Variants in KPNA7 observed in about 807,000 individuals in gnomAD.
KPNA7 encodes karyopherin subunit alpha 7.
KPNA7 carries 54 observed loss-of-function variants against 53.7 expected under a neutral mutation model. That is an observed-to-expected ratio of 1.01 (90% CI 0.81 to 1.26). The LOEUF (loss-of-function observed/expected upper bound fraction) is 1.26, where lower values mean the gene tolerates loss of function less well. KPNA7 is among the 50% of genes most tolerant of loss of function. KPNA7 has a pLI of 0.00. For synonymous variants in KPNA7, 276 were observed against 259.3 expected (o/e 1.06, Z -0.62); for missense variants, 640 against 644.5 (o/e 0.99, Z 0.07).
At chr7:99,146,739 A>C in the KPNA7 span, among the ~76,000 whole-genome samples, 36 of 123,722 alleles carry the variant, frequency 2.9e-4, no homozygotes, top group African/African-American at 1.1e-3. Flanking sequence ...AAAAAAAAAA[A>C]AAAAAAAAAC....
At chr7:99,213,219 C>T (rs1012355981) in intron 1 of KPNA7, among the ~76,000 whole-genome samples, 5 of 151,266 alleles carry the variant, frequency 3.3e-5, no homozygotes, top group East Asian at 1.9e-4. Flanking sequence ...CTCCGCCTCC[C>T]GGGTTCAAGT....
intron 6 of KPNA7, among the ~76,000 whole-genome samples, chr7:99,190,491 G>T (rs1789888388): frequency 6.6e-6 from 1 of 151,672 alleles, no homozygotes. Context: ...GAGCCCACAG[G>T]ACTGGGTCTC....
At position 99,178,054 on chromosome 7, in the gene KPNA7, G is replaced by C. The variant is rs201961379; in HGVS notation, c.1330C>G (p.Arg444Gly). 1 of 1,551,314 alleles carries C rather than the reference G, an allele frequency of 6.4e-7. No homozygotes were observed. The highest frequency in any genetic ancestry group is 1.2e-5 in the South Asian group (1 of 83,970). The change falls in exon 10 of 11, where the codon CGG (arginine) becomes GGG (glycine). Residue 444 changes from arginine (R) to glycine (G), a missense_variant. Transcript: ENST00000327442. Reference protein sequence around the residue: ...ISCILQAAEKRSEKENLCLLI... With the variant: ...ISCILQAAEKGSEKENLCLLI... ...AGACACAGGTTTTCCTTCTCAGACCGTTTCTCTGCCGCCTGTGACCAAGTA... is the reference window on the plus strand; with the variant it reads ...AGACACAGGTTTTCCTTCTCAGACCCTTTCTCTGCCGCCTGTGACCAAGTA...
At chr7:99,209,722 G>C (rs1351450191), upstream of KPNA7, among the ~76,000 whole-genome samples, 3 of 132,138 alleles carry the variant, frequency 2.3e-5, no homozygotes, top group Admixed American at 8.1e-5. Flanking sequence ...AAAAAAATCT[G>C]ATTAGTCAGG....
upstream of KPNA7, among the ~76,000 whole-genome samples, chr7:99,212,212 G>A (rs13242894): frequency 0.061 from 9,062 of 148,292 alleles, 308 homozygotes; most frequent in South Asian, 0.16. Flanking sequence ...AGGAAACACT[G>A]GTGTCCGATC....
the KPNA7 span, among the ~76,000 whole-genome samples, chr7:99,147,119 T>C: frequency 1.3e-5 from 2 of 152,182 alleles, no homozygotes; most frequent in Admixed American, 1.3e-4. Flanking sequence ...CCACCTGCTA[T>C]GTGGCTAGGA....
intron 3 of KPNA7, among the ~76,000 whole-genome samples, chr7:99,201,120 G>T (rs976882808): frequency 5.9e-5 from 9 of 152,176 alleles, no homozygotes; most frequent in Non-Finnish European, 1.3e-4. Context: ...TTATATGATT[G>T]CATTTCTAGG....
chr7:99,193,262 A>G (rs34088480), intron 5 of KPNA7, among the ~76,000 whole-genome samples, 161 bp from the exon 6 acceptor site: 12,955 of 152,278 alleles, frequency 0.085, 576 homozygotes, highest in South Asian at 0.15. Flanking sequence ...GAAGTCTGGC[A>G]TGGCTGGTGG....
At chr7:99,196,303 G>A in intron 3 of KPNA7, 137 bp from the exon 4 acceptor site, 2 of 634,884 alleles carry the variant, frequency 3.2e-6, no homozygotes, top group East Asian at 5.6e-5. Flanking sequence ...TTCTATATTT[G>A]GGGAGGGGAG....
chr7:99,166,856 T>C, the KPNA7 span, among the ~76,000 whole-genome samples: 2 of 151,184 alleles, frequency 1.3e-5, no homozygotes, highest in African/African-American at 2.4e-5. Context: ...CCTGACCTCG[T>C]GATCCACCAC....
downstream of KPNA7, among the ~76,000 whole-genome samples, chr7:99,169,286 G>C (rs922941105): frequency 6.6e-6 from 1 of 152,196 alleles, no homozygotes; most frequent in Non-Finnish European, 1.5e-5. Context: ...CAGCATCTGA[G>C]GGAGCAAAAC....
the KPNA7 span, among the ~76,000 whole-genome samples, chr7:99,154,458 A>C: frequency 6.6e-6 from 1 of 151,738 alleles, no homozygotes; most frequent in East Asian, 1.9e-4. Context: ...GGTAACTCCC[A>C]GGTCATTTAT....
chr7:99,195,826 G>A (rs1390931267), intron 4 of KPNA7, among the ~76,000 whole-genome samples: 1 of 152,196 alleles, frequency 6.6e-6, no homozygotes, highest in African/African-American at 2.4e-5. Context: ...CCTTTAAGGT[G>A]TTATCTACAA....
intron 9 of KPNA7, among the ~76,000 whole-genome samples, chr7:99,180,168 T>G (rs1346876261): frequency 6.6e-6 from 1 of 152,158 alleles, no homozygotes; most frequent in Non-Finnish European, 1.5e-5. Context: ...GGTCCATGTG[T>G]CCAAGTGACT....
chr7:99,156,635 C>T, the KPNA7 span, among the ~76,000 whole-genome samples: 2 of 152,094 alleles, frequency 1.3e-5, no homozygotes, highest in African/African-American at 4.8e-5. Context: ...AGTGATTCTC[C>T]TGCCTCAGCC....
chr7:99,163,392 T>TTA, the KPNA7 span, among the ~76,000 whole-genome samples: 1 of 115,606 alleles, frequency 8.7e-6, no homozygotes, highest in Non-Finnish European at 1.8e-5. Context: ...TATTTTTTTT[T>TTA]TTTTTTTTTT....
chr7:99,180,555 C>CTCCGTCTGTCTCCGTCTGTCTCCG lies in KPNA7; in HGVS notation c.1317+1327_1317+1328insCGGAGACAGACGGAGACAGACGGA, dbSNP rs77356061. Among the ~76,000 whole-genome samples, 956 of 141,620 alleles carry CTCCGTCTGTCTCCGTCTGTCTCCG rather than the reference C, an allele frequency of 6.8e-3. 29 individuals are homozygous for CTCCGTCTGTCTCCGTCTGTCTCCG. Among genetic ancestry groups the CTCCGTCTGTCTCCGTCTGTCTCCG allele is most frequent in the Non-Finnish European group, 0.01 (664 of 65,290 alleles). 92.9% of individuals were successfully genotyped at this position (141,620 alleles called of 152,430 possible). On this transcript the variant is annotated intron_variant, in intron 9 of 10. Coordinates refer to ENST00000327442, the MANE Select transcript of KPNA7 (RefSeq NM_001145715.3). ...TCTGTCTCCGTCTGTCTCCGTCTGT[C>CTCCGTCTGTCTCCGTCTGTCTCCG]TCTGTCTCTGTCCATCTGTCTCTGT...
At chr7:99,218,384 C>T (rs1399473337) in intron 1 of KPNA7, among the ~76,000 whole-genome samples, 1 of 151,970 alleles carries the variant, frequency 6.6e-6, no homozygotes, top group Non-Finnish European at 1.5e-5. Context: ...GGCAAGAGAC[C>T]AGGCCCTCTA....
chr7:99,178,771 CAAAAAAAAAA>C (rs756807848), intron 9 of KPNA7, among the ~76,000 whole-genome samples: 359 of 27,684 alleles, frequency 0.013, 2 homozygotes, highest in African/African-American at 0.042. Flanking sequence ...ATCTTTGTCT[CAAAAAAAAAA>C]AAAAAAAAAA....
Sources: allele counts gnomAD v4.1 joint callset (sites outside exome capture counted in the v4.1 genomes callset), GRCh38; gene constraint gnomAD v4.1.1; transcripts MANE v1.5; gene names NCBI Gene and HGNC (gene_info 2026-07-23, HGNC 2026-07-21).